The following USP20 variants were observed in gnomAD, a reference collection of about 807,000 sequenced individuals.
The protein encoded by USP20 is ubiquitin specific peptidase 20, also known as ubiquitin carboxyl-terminal hydrolase 20.
A neutral mutation model predicts 124.2 loss-of-function variants in USP20; 80 were observed. The ratio of observed to expected loss-of-function variants is 0.64; its 90% CI spans 0.54 to 0.78. USP20 has a LOEUF of 0.78. Among genes scored for constraint, USP20 ranks in the 30% least tolerant of loss-of-function variants. The probability of loss-of-function intolerance (pLI) is 0.00; values close to 1 mark genes in which losing one functional copy is unlikely to be tolerated. For missense variants in USP20, 1,043 were observed against 1,244.4 expected (o/e 0.84, Z 2.44); for synonymous variants, 481 against 512.3 (o/e 0.94, Z 0.83).
At chr9:129,858,673 C>T (rs1333949327) in intron 6 of USP20, 75 bp downstream of exon 6, 16 of 1,573,546 alleles carry the variant, frequency 1.0e-5, no homozygotes, top group Admixed American at 5.8e-5. Flanking sequence ...CCTGAGCATC[C>T]GTGGAGCATG....
intron 1 of USP20, among the ~76,000 whole-genome samples, chr9:129,845,596 C>A (rs2032492383): frequency 6.6e-6 from 1 of 152,004 alleles, no homozygotes; most frequent in Non-Finnish European, 1.5e-5. Flanking sequence ...TGCAGTGGCA[C>A]AATCCTAGTT....
At chr9:129,878,763 G>A (rs1275082647) in intron 23 of USP20, among the ~76,000 whole-genome samples, 1 of 152,216 alleles carries the variant, frequency 6.6e-6, no homozygotes, top group Non-Finnish European at 1.5e-5. Flanking sequence ...TTTGTCATCT[G>A]ACTCCTTGGA....
intron 10 of USP20, among the ~76,000 whole-genome samples, chr9:129,867,481 A>C (rs952123670): frequency 1.3e-5 from 2 of 152,132 alleles, no homozygotes; most frequent in African/African-American, 4.8e-5. Flanking sequence ...CTGAGGGAGC[A>C]GGGGGAGCCA....
intron 1 of USP20, among the ~76,000 whole-genome samples, chr9:129,836,230 G>A (rs990932346): frequency 3.3e-5 from 5 of 152,220 alleles, no homozygotes; most frequent in South Asian, 2.1e-4. Context: ...AACCCCTTAA[G>A]TAACAGTAGT....
At chr9:129,869,486 C>G (rs2034008799) in intron 13 of USP20, 61 bp downstream of exon 13, 1 of 1,576,672 alleles carries the variant, frequency 6.3e-7, no homozygotes, top group Admixed American at 1.7e-5. Context: ...GCAGCTCTTG[C>G]CCTGACTGGG....
At chr9:129,873,157 G>C (rs1166790821) in intron 15 of USP20, among the ~76,000 whole-genome samples, 1 of 126,734 alleles carries the variant, frequency 7.9e-6, no homozygotes, top group Non-Finnish European at 1.6e-5. Flanking sequence ...GCTCACTGCA[G>C]CCTCTGCCCC....
intron 9 of USP20, among the ~76,000 whole-genome samples, 191 bp downstream of exon 9, chr9:129,863,490 G>A (rs1287890011): frequency 6.6e-6 from 1 of 152,196 alleles, no homozygotes; most frequent in Non-Finnish European, 1.5e-5. Context: ...GGGAAACTGA[G>A]GTGCAGAGCA....
intron 21 of USP20, 85 bp from the exon 22 acceptor site, chr9:129,876,045 T>C (rs2034389073): frequency 8.1e-7 from 1 of 1,240,202 alleles, no homozygotes. Context: ...ACTGATGGCT[T>C]GAGGGGGAAG....
intron 7 of USP20, among the ~76,000 whole-genome samples, chr9:129,861,301 G>T (rs1302707219): frequency 6.6e-6 from 1 of 152,226 alleles, no homozygotes; most frequent in African/African-American, 2.4e-5. Flanking sequence ...TGGACAGTGG[G>T]CCTGGCTGGG....
chr9:129,870,205 G>C (rs145273462), intron 14 of USP20: 22 of 574,642 alleles, frequency 3.8e-5, no homozygotes, highest in East Asian at 1.7e-4. Flanking sequence ...CCCCAGGGAG[G>C]GGGTAGCATG....
intron 22 of USP20, among the ~76,000 whole-genome samples, chr9:129,877,256 C>T (rs976578831): frequency 4.6e-5 from 7 of 152,198 alleles, no homozygotes; most frequent in African/African-American, 1.7e-4. Context: ...TGGTGGCTCA[C>T]GCCTGTGATC....
In USP20 at chr9:129,869,848, C is replaced by G; in HGVS notation, c.1565+4C>G. ...TCATTGTGGAGTACATCCGACGGTG[C>G]GCCCACCTTGCCACTACTGGGCGAC... On this transcript the variant is annotated splice_donor_region_variant and intron_variant, in intron 14 of 25. Transcript: ENST00000372429. 1.2e-6 allele frequency: 2 copies of G among 1,610,742 alleles called. No individual in the cohort carries two copies. Among genetic ancestry groups the G allele is most frequent in the Non-Finnish European group, 1.7e-6 (2 of 1,178,962 alleles).
intron 1 of USP20, among the ~76,000 whole-genome samples, chr9:129,846,622 C>CTT (rs11378286): frequency 0.041 from 5,435 of 132,324 alleles, 384 homozygotes; most frequent in African/African-American, 0.14. Context: ...AAGTTACTGT[C>CTT]TTTTTTTTTT....
intron 10 of USP20, among the ~76,000 whole-genome samples, chr9:129,866,051 C>T (rs1342722498): frequency 6.6e-6 from 1 of 152,226 alleles, no homozygotes; most frequent in Non-Finnish European, 1.5e-5. Flanking sequence ...GCCACGCGTA[C>T]ACCTCAGCCC....
intron 4 of USP20, among the ~76,000 whole-genome samples, chr9:129,857,338 A>G (rs2033266398): frequency 6.6e-6 from 1 of 152,228 alleles, no homozygotes; most frequent in South Asian, 2.1e-4. Context: ...AGAAAATGGC[A>G]CGTGCTTTCT....
At chr9:129,863,904 G>T (rs2417154) in intron 9 of USP20, among the ~76,000 whole-genome samples, 1 of 151,670 alleles carries the variant, frequency 6.6e-6, no homozygotes, top group African/African-American at 2.4e-5. Flanking sequence ...TCAAGAGATC[G>T]AGACCGTTCT....
At chr9:129,846,247 A>ATATATATATGTAT (rs1554742656) in intron 1 of USP20, among the ~76,000 whole-genome samples, 1 of 32,664 alleles carries the variant, frequency 3.1e-5, no homozygotes, top group Non-Finnish European at 5.2e-5. Flanking sequence ...ATATATATAT[A>ATATATATATGTAT]TTTTTTTTTT....
At chr9:129,858,303 G>A (rs1001252292) in intron 5 of USP20, among the ~76,000 whole-genome samples, 164 bp from the exon 6 acceptor site, 1 of 3,810 alleles carries the variant, frequency 2.6e-4, no homozygotes, top group Non-Finnish European at 1.0e-3. Flanking sequence ...ATAAGCAGCA[G>A]CCCTCAGGGT....
At chr9:129,871,372 A>G (rs1366070128) in intron 15 of USP20, among the ~76,000 whole-genome samples, 1 of 152,048 alleles carries the variant, frequency 6.6e-6, no homozygotes, top group Non-Finnish European at 1.5e-5. Context: ...TATGCTGGTT[A>G]TTTATTGTTC....
Sources: gnomAD v4.1 joint callset for allele counts (sites outside exome capture counted in the v4.1 genomes callset) on GRCh38, gnomAD v4.1.1 for gene constraint, MANE v1.5 for transcripts, NCBI Gene and HGNC (gene_info 2026-07-23, HGNC 2026-07-21) for gene names.